The following PITPNM3 variants were observed in gnomAD, a reference collection of about 807,000 sequenced individuals.
The protein encoded by PITPNM3 is membrane-associated phosphatidylinositol transfer protein 3.
In PITPNM3, 26 loss-of-function variants were observed where a neutral mutation model predicts 102.0. The ratio of observed to expected loss-of-function variants is 0.25; its 90% CI spans 0.19 to 0.35. PITPNM3 has a LOEUF of 0.35. PITPNM3 is among the 10% of genes least tolerant of loss of function. The pLI is 1.00. For missense variants in PITPNM3, 1,083 were observed against 1,346.1 expected (o/e 0.80, Z 3.06); for synonymous variants, 578 against 558.6 (o/e 1.03, Z -0.49).
intron 10 of PITPNM3, 111 bp downstream of exon 10, chr17:6,474,321 T>A: frequency 7.2e-7 from 1 of 1,394,300 alleles, no homozygotes; most frequent in Non-Finnish European, 9.9e-7. Context: ...ATCCCAACTC[T>A]GTGACCCTCC....
chr17:6,506,314 T>C (rs971791057), intron 3 of PITPNM3, among the ~76,000 whole-genome samples: 1 of 151,978 alleles, frequency 6.6e-6, no homozygotes, highest in Non-Finnish European at 1.5e-5. Context: ...CTAAAACCTG[T>C]TATGGTGTTT....
chr17:6,541,462 G>A (rs971946000), intron 1 of PITPNM3, among the ~76,000 whole-genome samples: 2 of 152,080 alleles, frequency 1.3e-5, no homozygotes, highest in Admixed American at 1.3e-4. Flanking sequence ...CATGTGGCTG[G>A]GGCCAATGAT....
intron 1 of PITPNM3, among the ~76,000 whole-genome samples, chr17:6,553,977 A>G (rs1308220210): frequency 6.6e-6 from 1 of 152,116 alleles, no homozygotes; most frequent in African/African-American, 2.4e-5. Context: ...ATTCTCATAC[A>G]CACATTACTG....
Position 6,556,413 on chromosome 17 carries a change from G to A in PITPNM3, c.-7C>T, listed in dbSNP as rs1737027497. The A allele has an allele frequency of 7.7e-7, 1 of 1,301,764 alleles. No individual in the cohort carries two copies. The highest frequency in any genetic ancestry group is 9.8e-7 in the Non-Finnish European group (1 of 1,025,006). The allele number at this position is 1,301,764 out of a possible 1,614,324, so 80.6% of individuals were successfully genotyped here. The stretch of plus-strand genomic sequence containing the variant: ...CACGGCCCGCCTTGGCCATGTCCCG[G>A]GCGGCGGGCTCCGGCGGCGCTACGC... On this transcript the variant is annotated 5_prime_UTR_variant, in exon 1 of 20. Coordinates refer to ENST00000262483, the MANE Select transcript of PITPNM3 (RefSeq NM_031220.4). The surrounding 1 kb of genome is among the most constrained non-coding windows in gnomAD (Gnocchi z 5.2).
At chr17:6,471,519 C>A (rs557593919) in intron 11 of PITPNM3, among the ~76,000 whole-genome samples, 164 bp from the exon 12 acceptor site, 6 of 152,304 alleles carry the variant, frequency 3.9e-5, no homozygotes, top group Admixed American at 3.3e-4. Flanking sequence ...ACTGTGCCCA[C>A]CCCACCAGTC....
At chr17:6,520,262 AATAT>A (rs1392408246) in intron 3 of PITPNM3, among the ~76,000 whole-genome samples, 1 of 152,174 alleles carries the variant, frequency 6.6e-6, no homozygotes, top group Non-Finnish European at 1.5e-5. Context: ...TTGGTGTGCA[AATAT>A]AAATTTGCAC....
chr17:6,502,159 G>C (rs1907222296), intron 4 of PITPNM3, among the ~76,000 whole-genome samples: 1 of 152,352 alleles, frequency 6.6e-6, no homozygotes, highest in East Asian at 1.9e-4. Flanking sequence ...AGCAGAAAAA[G>C]GTTCTCCATG....
At chr17:6,511,622 G>A (rs1192180795) in intron 3 of PITPNM3, among the ~76,000 whole-genome samples, 1 of 152,178 alleles carries the variant, frequency 6.6e-6, no homozygotes, top group African/African-American at 2.4e-5. Context: ...TTGTGTGACT[G>A]CAAAGGACAA....
chr17:6,455,446 G>C lies in PITPNM3; in HGVS notation c.2817C>G (p.Pro939=). ...GCTGGCTCTGGGCCCGCTCGGGCTT[G>C]GGGTTGGCGGCGGGCGGGTCGGGCT... ...VQQPDPPAAN[P]KPERAQSQPE... The change falls in exon 20 of 20, where the codon CCC becomes CCG. Residue 939 remains proline (P), a synonymous_variant. Coordinates refer to ENST00000262483, the MANE Select transcript of PITPNM3 (RefSeq NM_031220.4). The C allele has an allele frequency of 6.2e-7, 1 of 1,604,498 alleles. No individual in the cohort carries two copies. The highest frequency in any genetic ancestry group is 1.1e-5 in the South Asian group (1 of 91,018).
chr17:6,543,067 G>A (rs1909812774), intron 1 of PITPNM3, among the ~76,000 whole-genome samples: 1 of 152,104 alleles, frequency 6.6e-6, no homozygotes, highest in Admixed American at 6.5e-5. Context: ...AAAGAGAAGG[G>A]GAATATCCCA....
In PITPNM3 at chr17:6,496,279, C is replaced by A. The variant is rs531793833; in HGVS notation, c.274+7248G>T. On this transcript the variant is annotated intron_variant, in intron 4 of 19. Coordinates refer to ENST00000262483, the MANE Select transcript of PITPNM3 (RefSeq NM_031220.4). ...TAAGTGCTCTATGCAAATCCCATCA[C>A]CTCCTCCCACACCACCCCTCTCCAG... Among the ~76,000 whole-genome samples, 5 of 152,286 alleles carry A rather than the reference C, an allele frequency of 3.3e-5. No homozygotes were observed. The South Asian group carries it at 1.0e-3, about 32-fold the overall frequency.
intron 2 of PITPNM3, 60 bp from the exon 3 acceptor site, chr17:6,525,523 A>C: frequency 1.6e-6 from 2 of 1,257,486 alleles, no homozygotes; most frequent in Non-Finnish European, 2.3e-6. Context: ...TAGCCCTATC[A>C]GGAGCTTATG....
chr17:6,538,920 C>T (rs558437012), intron 1 of PITPNM3, among the ~76,000 whole-genome samples: 8 of 152,312 alleles, frequency 5.3e-5, no homozygotes, highest in African/African-American at 9.6e-5. Context: ...TCACCACACC[C>T]CCTACCCTGC....
At chr17:6,551,303 G>A (rs1011971117) in intron 1 of PITPNM3, among the ~76,000 whole-genome samples, 1 of 151,770 alleles carries the variant, frequency 6.6e-6, no homozygotes, top group African/African-American at 2.4e-5. Context: ...CTTGCCGTGA[G>A]CTGAGCTGAG....
chr17:6,483,435 G>T, intron 6 of PITPNM3, 82 bp downstream of exon 6: 2 of 1,349,740 alleles, frequency 1.5e-6, no homozygotes, highest in Non-Finnish European at 2.1e-6. Flanking sequence ...ACCTGCCCAC[G>T]GGGTCCATGC....
intron 14 of PITPNM3, among the ~76,000 whole-genome samples, chr17:6,465,292 T>A (rs1346580121): frequency 6.6e-6 from 1 of 152,168 alleles, no homozygotes; most frequent in Admixed American, 6.5e-5. Flanking sequence ...GTGATCTGCC[T>A]ACCTCGGACT....
At chr17:6,489,335 C>G (rs188968889) in intron 4 of PITPNM3, among the ~76,000 whole-genome samples, 2 of 152,058 alleles carry the variant, frequency 1.3e-5, no homozygotes. Context: ...TCCCACCCCC[C>G]GTTAGTCACC....
intron 1 of PITPNM3, among the ~76,000 whole-genome samples, chr17:6,551,691 C>A (rs544793233): frequency 1.3e-5 from 2 of 151,370 alleles, no homozygotes; most frequent in Non-Finnish European, 2.9e-5. Context: ...GCCTGGGCAA[C>A]GTAATGAGAC....
rs1242893548 is a variant in PITPNM3, at chr17:6,457,252, G to C, written c.2619+342C>G. On this transcript the variant is annotated intron_variant, in intron 19 of 19. Transcript: ENST00000262483. This position sits in a 1 kb window ranked among gnomAD's most constrained non-coding sequence, Gnocchi z 4.7. ...CTTCAAATTCCGGAAACCCAACCTTGCCCTGGAGTCTGGGTTAGCGGTCCC... is the reference window on the plus strand; with the variant it reads ...CTTCAAATTCCGGAAACCCAACCTTCCCCTGGAGTCTGGGTTAGCGGTCCC... 6.6e-6 allele frequency among the ~76,000 whole-genome samples: 1 copy of C among 152,114 alleles called. No homozygotes were observed. Among genetic ancestry groups the C allele is most frequent in the Non-Finnish European group, 1.5e-5 (1 of 68,014 alleles).
Sources: gnomAD v4.1 joint callset for allele counts (sites outside exome capture counted in the v4.1 genomes callset) on GRCh38, gnomAD v4.1.1 for gene constraint, Gnocchi (gnomAD v3.1) non-coding constraint, MANE v1.5 for transcripts, NCBI Gene and HGNC (gene_info 2026-07-23, HGNC 2026-07-21) for gene names.